The following PTPRN2 variants were observed in gnomAD, a reference collection of about 807,000 sequenced individuals.
PTPRN2 encodes the protein receptor-type tyrosine-protein phosphatase N2.
PTPRN2 carries 74 observed loss-of-function variants against 118.8 expected under a neutral mutation model. The ratio of observed to expected loss-of-function variants is 0.62; its 90% CI spans 0.52 to 0.76. The LOEUF (loss-of-function observed/expected upper bound fraction) is 0.76, where lower values mean the gene tolerates loss of function less well. Ranked by LOEUF, PTPRN2 falls within the 30% of genes least tolerant of loss-of-function variation. The pLI is 0.00. For missense variants in PTPRN2, 1,481 were observed against 1,394.4 expected (o/e 1.06, Z -0.99); for synonymous variants, 641 against 608.0 (o/e 1.05, Z -0.80).
chr7:158,552,848 C>T (rs371754701), intron 1 of PTPRN2, among the ~76,000 whole-genome samples: 35 of 152,348 alleles, frequency 2.3e-4, no homozygotes, highest in African/African-American at 6.3e-4. Flanking sequence ...GCTCCTGACA[C>T]CCCAGAGAAA....
At chr7:158,545,948 G>A (rs573152795) in intron 1 of PTPRN2, among the ~76,000 whole-genome samples, 96 of 152,290 alleles carry the variant, frequency 6.3e-4, no homozygotes, top group African/African-American at 2.1e-3. Flanking sequence ...GCAGTGAGCC[G>A]AAATTACGCC....
In PTPRN2 at chr7:157,800,968, T is replaced by C. The variant is rs536515916; in HGVS notation, c.1788+97705A>G. Among the ~76,000 whole-genome samples the C allele has an allele frequency of 2.6e-4, 39 of 149,748 alleles. 1 individual carries two copies. In the South Asian group the frequency reaches 8.3e-3, roughly 32 times the overall value. ...CTCCGTTTCAAAAAAAATATATATA[T>C]ACATATATATATATACACACACATA... On this transcript the variant is annotated intron_variant, in intron 12 of 22. Transcript: ENST00000389418.
intron 1 of PTPRN2, among the ~76,000 whole-genome samples, chr7:158,585,536 G>A (rs1401117191): frequency 6.6e-6 from 1 of 152,176 alleles, no homozygotes; most frequent in East Asian, 1.9e-4. Flanking sequence ...GGGAAACATG[G>A]CACCAGTTTT....
At chr7:158,461,539 G>A (rs1818988595) in intron 2 of PTPRN2, among the ~76,000 whole-genome samples, 1 of 151,826 alleles carries the variant, frequency 6.6e-6, no homozygotes, top group Non-Finnish European at 1.5e-5. Flanking sequence ...GAAGCATACA[G>A]AAAATGGTGA....
At position 157,682,928 on chromosome 7, in the gene PTPRN2, G is replaced by C; in HGVS notation, c.1798C>G (p.Leu600Val). The change falls in exon 13 of 23, where the codon CTC becomes GTC. Residue 600 changes from leucine (L) to valine (V), a missense_variant. Transcript: ENST00000389418. ...LQTGVGSKSK[L>V]KFLPPQAEQE... Reference sequence around the variant, plus strand: ...TCCGCCTGAGGAGGCAGGAACTTGAGTTTGCTTTTCTGCAGAACAAGGAGA... The same window carrying C: ...TCCGCCTGAGGAGGCAGGAACTTGACTTTGCTTTTCTGCAGAACAAGGAGA... 6.2e-7 allele frequency: 1 copy of C among 1,612,396 alleles called. No individual in the cohort carries two copies. Among genetic ancestry groups the C allele is most frequent in the Non-Finnish European group, 8.5e-7 (1 of 1,178,686 alleles).
chr7:158,014,695 G>C (rs538712905), intron 11 of PTPRN2, among the ~76,000 whole-genome samples: 145 of 148,870 alleles, frequency 9.7e-4, no homozygotes, highest in African/African-American at 3.5e-3. Context: ...TTCTCCCTCT[G>C]TCCCTCCATT....
chr7:157,692,183 C>T (rs886278237), intron 12 of PTPRN2, among the ~76,000 whole-genome samples: 4 of 152,030 alleles, frequency 2.6e-5, no homozygotes, highest in Non-Finnish European at 5.9e-5. Flanking sequence ...TCCCTGCGCC[C>T]GGGACAGCTG....
At chr7:157,904,852 G>T (rs1437839851) in intron 11 of PTPRN2, among the ~76,000 whole-genome samples, 1 of 152,298 alleles carries the variant, frequency 6.6e-6, no homozygotes, top group South Asian at 2.1e-4. Context: ...GGCAGCCTCC[G>T]CAGCACAGCC....
intron 3 of PTPRN2, among the ~76,000 whole-genome samples, chr7:158,276,341 G>A (rs1408890759): frequency 4.4e-5 from 1 of 22,774 alleles, no homozygotes; most frequent in South Asian, 3.1e-3. Flanking sequence ...CCCGCACCCC[G>A]GCCCCGACAG....
intron 11 of PTPRN2, among the ~76,000 whole-genome samples, chr7:158,017,801 C>A (rs562427405): frequency 3.9e-5 from 6 of 152,274 alleles, no homozygotes; most frequent in African/African-American, 1.2e-4. Context: ...CTCCACAGCT[C>A]ACACCTCAGG....
At chr7:158,399,557 G>C (rs1812779578) in intron 2 of PTPRN2, among the ~76,000 whole-genome samples, 1 of 152,164 alleles carries the variant, frequency 6.6e-6, no homozygotes, top group Non-Finnish European at 1.5e-5. Flanking sequence ...TTAGGAGGCT[G>C]AGGCAGGAGG....
chr7:157,883,115 G>A (rs1346582591), intron 12 of PTPRN2, among the ~76,000 whole-genome samples: 1 of 132,810 alleles, frequency 7.5e-6, no homozygotes, highest in Non-Finnish European at 1.6e-5. Flanking sequence ...TGACTGTCAG[G>A]ACACCACCCC....
At chr7:157,721,644 A>C (rs1799241080) in intron 12 of PTPRN2, among the ~76,000 whole-genome samples, 1 of 152,176 alleles carries the variant, frequency 6.6e-6, no homozygotes, top group African/African-American at 2.4e-5. Flanking sequence ...AGCTTGCTGC[A>C]TGGGAGGAAG....
chr7:157,853,114 T>C (rs991677189), intron 12 of PTPRN2, among the ~76,000 whole-genome samples: 1 of 152,128 alleles, frequency 6.6e-6, no homozygotes, highest in South Asian at 2.1e-4. Flanking sequence ...TGGGTCTTTC[T>C]TGTACTCACA....
At chr7:158,107,624 G>A (rs2335852) in intron 10 of PTPRN2, among the ~76,000 whole-genome samples, 144,607 of 152,068 alleles carry the variant, frequency 0.95, 68,800 homozygotes, top group Middle Eastern at 0.98. Flanking sequence ...ATCACACTGT[G>A]TAGATCAACA....
chr7:158,156,872 G>A (rs1413151969), intron 6 of PTPRN2, among the ~76,000 whole-genome samples: 4 of 152,262 alleles, frequency 2.6e-5, no homozygotes, highest in Admixed American at 2.6e-4. Flanking sequence ...TGCAGAGGAT[G>A]CTTATACAGC....
At chr7:157,604,207 A>T in intron 15 of PTPRN2, 132 bp from the exon 16 acceptor site, 6 of 781,508 alleles carry the variant, frequency 7.7e-6, no homozygotes, top group Non-Finnish European at 1.2e-5. Flanking sequence ...ATCACACAGC[A>T]GTGTGGGACT....
At chr7:158,439,582 A>G (rs1816833962) in intron 2 of PTPRN2, among the ~76,000 whole-genome samples, 1 of 152,214 alleles carries the variant, frequency 6.6e-6, no homozygotes, top group Admixed American at 6.5e-5. Flanking sequence ...CAAGATATTT[A>G]TCATTTGGTC....
intron 2 of PTPRN2, among the ~76,000 whole-genome samples, chr7:158,353,416 T>C (rs1808159563): frequency 6.6e-6 from 1 of 152,244 alleles, no homozygotes; most frequent in Non-Finnish European, 1.5e-5. Context: ...AAGCTTACTT[T>C]ACATTTGCCT....
Sources: allele counts gnomAD v4.1 joint callset (sites outside exome capture counted in the v4.1 genomes callset), GRCh38; gene constraint gnomAD v4.1.1; transcripts MANE v1.5; gene names NCBI Gene and HGNC (gene_info 2026-07-23, HGNC 2026-07-21).